The following MAP2K5 variants were observed in gnomAD, a reference collection of about 807,000 sequenced individuals.
MAP2K5 encodes the protein mitogen-activated protein kinase kinase 5.
In MAP2K5, 49 loss-of-function variants were observed where a neutral mutation model predicts 83.1. The ratio of observed to expected loss-of-function variants is 0.59; its 90% CI spans 0.47 to 0.75. MAP2K5 has a LOEUF of 0.75. Among genes scored for constraint, MAP2K5 ranks in the 30% least tolerant of loss-of-function variants. The probability of loss-of-function intolerance (pLI) is 0.00; values close to 1 mark genes in which losing one functional copy is unlikely to be tolerated. For synonymous variants in MAP2K5, 202 were observed against 191.8 expected (o/e 1.05, Z -0.44); for missense variants, 457 against 557.5 (o/e 0.82, Z 1.82).
chr15:67,794,461 A>G lies in MAP2K5; in HGVS notation c.1243-12185A>G, dbSNP rs536255300. On this transcript the variant is annotated intron_variant, in intron 21 of 21. Coordinates refer to ENST00000178640, the MANE Select transcript of MAP2K5 (RefSeq NM_145160.3). This position sits in a 1 kb window ranked among gnomAD's most constrained non-coding sequence, Gnocchi z 4.6. ...TTCAGATGGAAAACATTGGTCGCTA[A>G]TAGCAGAAACTTGAGAATAATTGGT... is the stretch of plus-strand genomic sequence containing the variant. Among the ~76,000 whole-genome samples the G allele has an allele frequency of 6.6e-6, 1 of 152,242 alleles. No homozygotes were observed. Among genetic ancestry groups the G allele is most frequent in the South Asian group, 2.1e-4 (1 of 4,818 alleles).
chr15:67,674,896 C>A (rs2087639889), intron 13 of MAP2K5, among the ~76,000 whole-genome samples: 1 of 152,016 alleles, frequency 6.6e-6, no homozygotes, highest in African/African-American at 2.4e-5. Flanking sequence ...ATTAAAACCA[C>A]CATGAGATAT....
Position 67,764,851 on chromosome 15 carries a change from G to A in MAP2K5, c.1135-4751G>A, listed in dbSNP as rs2090013394. ...AGGCCCTTAACTTTTTTCCAGTTGA[G>A]TATTTATGCCAGCCTTCTCCCTTAT... is the stretch of plus-strand genomic sequence containing the variant. On this transcript the variant is annotated intron_variant, in intron 19 of 21. Transcript: ENST00000178640. The surrounding 1 kb of genome is among the most constrained non-coding windows in gnomAD (Gnocchi z 4.9). Among the ~76,000 whole-genome samples, 1 of 152,116 alleles carries A rather than the reference G, an allele frequency of 6.6e-6. No individual in the cohort carries two copies. The highest frequency in any genetic ancestry group is 2.4e-5 in the African/African-American group (1 of 41,418).
At chr15:67,602,064 G>C (rs1044602505) in intron 8 of MAP2K5, among the ~76,000 whole-genome samples, 7 of 152,304 alleles carry the variant, frequency 4.6e-5, no homozygotes, top group African/African-American at 1.7e-4. Context: ...CCTTGGGCCT[G>C]GCCCTTAAAA....
Position 67,702,437 on chromosome 15 carries a change from T to C in MAP2K5, c.973-900T>C, listed in dbSNP as rs1202388257. Among the ~76,000 whole-genome samples, 7 of 152,126 alleles carry C rather than the reference T, an allele frequency of 4.6e-5. No individual in the cohort carries two copies. The highest frequency in any genetic ancestry group is 2.9e-5 in the Non-Finnish European group (2 of 68,018). ...GTATCTATTGAATTGGATATTGGGGTGTAAGTTATGATCTCAGCCTTGCCA... is the reference window on the plus strand; with the variant it reads ...GTATCTATTGAATTGGATATTGGGGCGTAAGTTATGATCTCAGCCTTGCCA... On this transcript the variant is annotated intron_variant, in intron 15 of 21. Coordinates refer to ENST00000178640, the MANE Select transcript of MAP2K5 (RefSeq NM_145160.3). This position sits in a 1 kb window ranked among gnomAD's most constrained non-coding sequence, Gnocchi z 4.6.
At position 67,638,490 on chromosome 15, in the gene MAP2K5, G is replaced by T. The variant is rs967077640; in HGVS notation, c.585+7563G>T. On this transcript the variant is annotated intron_variant, in intron 9 of 21. Transcript: ENST00000178640. This position sits in a 1 kb window ranked among gnomAD's most constrained non-coding sequence, Gnocchi z 4.5. ...TCTACCAGTGATGGGCATTTAGGTT[G>T]ATTCCATGTCTTTGCTATTGCGAAT... 2.0e-5 allele frequency among the ~76,000 whole-genome samples: 3 copies of T among 152,156 alleles called. No individual in the cohort carries two copies. The highest frequency in any genetic ancestry group is 7.2e-5 in the African/African-American group (3 of 41,426).
At chr15:67,586,498 A>G (rs555681512) in intron 5 of MAP2K5, among the ~76,000 whole-genome samples, 32 of 152,292 alleles carry the variant, frequency 2.1e-4, no homozygotes, top group Middle Eastern at 6.8e-3. Context: ...CTGGAAGGAT[A>G]TAACTTGAGG....
intron 12 of MAP2K5, among the ~76,000 whole-genome samples, chr15:67,661,440 G>C (rs2087236656): frequency 6.6e-6 from 1 of 152,090 alleles, no homozygotes; most frequent in Admixed American, 6.6e-5. Flanking sequence ...AGTACTTTTA[G>C]TGTCAAGGCT....
At chr15:67,641,631 T>TAGTGGAGAGC (rs1443586182) in intron 9 of MAP2K5, 78 of 990,952 alleles carry the variant, frequency 7.9e-5, no homozygotes, top group Non-Finnish European at 9.4e-5. Flanking sequence ...CCTGGAGGTG[T>TAGTGGAGAGC]AGTGGAGAGC....
chr15:67,698,294 T>A lies in MAP2K5; in HGVS notation c.972+4726T>A, dbSNP rs1477499894. 6.6e-6 allele frequency among the ~76,000 whole-genome samples: 1 copy of A among 152,040 alleles called. No homozygotes were observed. The highest frequency in any genetic ancestry group is 1.5e-5 in the Non-Finnish European group (1 of 68,008). On this transcript the variant is annotated intron_variant, in intron 15 of 21. Coordinates refer to ENST00000178640, the MANE Select transcript of MAP2K5 (RefSeq NM_145160.3). This position sits in a 1 kb window ranked among gnomAD's most constrained non-coding sequence, Gnocchi z 4.5. ...CCTCTGTCCCCTGGGTTCAAGCGAT[T>A]CTCCTGCCTCAGCCTCCAGAGTAGC...
In MAP2K5 at chr15:67,782,616, G is replaced by A. The variant is rs969917837; in HGVS notation, c.1242+9864G>A. 2.6e-5 allele frequency among the ~76,000 whole-genome samples: 4 copies of A among 152,196 alleles called. No homozygotes were observed. Among genetic ancestry groups the A allele is most frequent in the African/African-American group, 4.8e-5 (2 of 41,454 alleles). On this transcript the variant is annotated intron_variant, in intron 21 of 21. Transcript: ENST00000178640. The surrounding 1 kb of genome is among the most constrained non-coding windows in gnomAD (Gnocchi z 4.9). ...ATGAAGGGCCCCCGTGTTTAAACGG[G>A]CTTGACAGGAATTTAAATTTTGTTT... is the stretch of plus-strand genomic sequence containing the variant.
intron 16 of MAP2K5, among the ~76,000 whole-genome samples, chr15:67,703,976 G>C (rs2088487576): frequency 6.6e-6 from 1 of 152,158 alleles, no homozygotes; most frequent in Non-Finnish European, 1.5e-5. Context: ...GGAGAGGGAA[G>C]GGGGAAGAGG....
intron 12 of MAP2K5, among the ~76,000 whole-genome samples, chr15:67,662,686 T>C (rs1265049183): frequency 6.6e-6 from 1 of 152,186 alleles, no homozygotes; most frequent in Non-Finnish European, 1.5e-5. Context: ...GTAGTACTTG[T>C]CACCCATATA....
rs2084323144 is a variant in MAP2K5 at position 67,542,939 on chromosome 15, T to G, written c.-397T>G. 4.3e-6 allele frequency: 1 copy of G among 231,150 alleles called. No individual in the cohort carries two copies. The highest frequency in any genetic ancestry group is 6.2e-5 in the South Asian group (1 of 16,146). 14.3% of individuals were successfully genotyped at this position (231,150 alleles called of 1,614,324 possible). On this transcript the variant is annotated 5_prime_UTR_variant, in exon 1 of 22. Coordinates refer to ENST00000178640, the MANE Select transcript of MAP2K5 (RefSeq NM_145160.3). ...CCTCCAGTCGAGGACCCTCTCCTAG[T>G]CCACTGACGAGCGGTGGACACCTGC...
chr15:67,685,173 A>G (rs2087923567), intron 13 of MAP2K5, among the ~76,000 whole-genome samples: 1 of 152,240 alleles, frequency 6.6e-6, no homozygotes, highest in Admixed American at 6.5e-5. Flanking sequence ...TTTGATAACC[A>G]GTGAGTAAAA....
At chr15:67,641,219 T>C (rs908603114) in intron 9 of MAP2K5, among the ~76,000 whole-genome samples, 1 of 152,240 alleles carries the variant, frequency 6.6e-6, no homozygotes, top group African/African-American at 2.4e-5. Context: ...GTATATTGCA[T>C]GTGCCAATTA....
chr15:67,805,119 G>A (rs907517951), intron 21 of MAP2K5, among the ~76,000 whole-genome samples: 16 of 152,308 alleles, frequency 1.1e-4, no homozygotes, highest in African/African-American at 3.8e-4. Flanking sequence ...CAGTCTCAGC[G>A]GGTCCCTGCC....
intron 8 of MAP2K5, chr15:67,628,488 T>TAAACATA: frequency 1.5e-6 from 1 of 659,720 alleles, no homozygotes; most frequent in South Asian, 1.8e-5. Flanking sequence ...TAAAAAAAAA[T>TAAACATA]AAAAATAAAA....
chr15:67,748,343 C>A lies in MAP2K5; in HGVS notation c.1101+86C>A. The A allele has an allele frequency of 1.7e-6, 2 of 1,204,552 alleles. No homozygotes were observed. The highest frequency in any genetic ancestry group is 2.4e-6 in the Non-Finnish European group (2 of 821,206). 74.6% of individuals were successfully genotyped at this position (1,204,552 alleles called of 1,614,324 possible). On this transcript the variant is annotated intron_variant, in intron 18 of 21. Transcript: ENST00000178640. The surrounding 1 kb of genome is among the most constrained non-coding windows in gnomAD (Gnocchi z 4.0). ...GCATGCTTGAATGCCTTGTTTTAAA[C>A]TTAGCAAATTGCATTTTGAAGAAAA...
At chr15:67,669,970 T>G (rs904486274) in intron 13 of MAP2K5, among the ~76,000 whole-genome samples, 2 of 152,148 alleles carry the variant, frequency 1.3e-5, no homozygotes, top group African/African-American at 4.8e-5. Flanking sequence ...GGAAAACATA[T>G]GTCCACACAA....
Sources: gnomAD v4.1 joint callset for allele counts (sites outside exome capture counted in the v4.1 genomes callset) on GRCh38, gnomAD v4.1.1 for gene constraint, Gnocchi (gnomAD v3.1) non-coding constraint, MANE v1.5 for transcripts, NCBI Gene and HGNC (gene_info 2026-07-23, HGNC 2026-07-21) for gene names.